Variants in SV2C observed in about 807,000 individuals in gnomAD.
SV2C encodes the protein solute carrier family 22 member B3.
In SV2C, 49 loss-of-function variants were observed where a neutral mutation model predicts 79.7. The observed-to-expected ratio is 0.61, with a 90% CI of 0.49 to 0.78. The LOEUF is 0.78. Among genes scored for constraint, SV2C ranks in the 30% least tolerant of loss-of-function variants. The pLI is 0.00. For synonymous variants in SV2C, 334 were observed against 333.2 expected, an observed-to-expected ratio of 1.00 and a Z score of -0.03; for missense variants, 833 against 912.9, an observed-to-expected ratio of 0.91 and a Z score of 1.13.
chr5:76,006,722 T>G, the SV2C span, among the ~76,000 whole-genome samples: 1 of 152,118 alleles, frequency 6.6e-6, no homozygotes. Flanking sequence ...GACACAGCAC[T>G]CCCAGAAAAC....
At chr5:76,282,184 G>A (rs1747218028) in intron 4 of SV2C, among the ~76,000 whole-genome samples, 1 of 152,186 alleles carries the variant, frequency 6.6e-6, no homozygotes, top group Admixed American at 6.5e-5. Context: ...AAATGGCAAT[G>A]CAGATATAAT....
intron 1 of SV2C, among the ~76,000 whole-genome samples, chr5:76,109,482 G>T (rs1445725874): frequency 2.6e-5 from 4 of 152,164 alleles, no homozygotes; most frequent in African/African-American, 7.2e-5. Context: ...TAGTAGGATG[G>T]GTGTTACGGG....
the SV2C span, among the ~76,000 whole-genome samples, chr5:75,864,752 G>A: frequency 6.6e-6 from 1 of 152,332 alleles, no homozygotes; most frequent in East Asian, 1.9e-4. Context: ...AAGTAACCTT[G>A]CTGCATTCTG....
chr5:76,263,360 T>C (rs1746545892), intron 4 of SV2C, among the ~76,000 whole-genome samples: 1 of 152,068 alleles, frequency 6.6e-6, no homozygotes, highest in Non-Finnish European at 1.5e-5. Context: ...ATGTGTGTCT[T>C]TGCATGTGAG....
At chr5:75,918,177 A>C in the SV2C span, among the ~76,000 whole-genome samples, 2 of 152,236 alleles carry the variant, frequency 1.3e-5, no homozygotes, top group African/African-American at 4.8e-5. Context: ...GTCTAAGGTC[A>C]CAGAACCAGT....
At chr5:76,079,007 C>T (rs75243229), upstream of SV2C, 4 of 440,934 alleles carry the variant, frequency 9.1e-6, no homozygotes, top group Non-Finnish European at 1.8e-5. Context: ...CGATTACCAC[C>T]TGTAGTTTGA....
chr5:76,068,970 G>T, the SV2C span, among the ~76,000 whole-genome samples: 1 of 152,100 alleles, frequency 6.6e-6, no homozygotes, highest in African/African-American at 2.4e-5. Context: ...CATCTGCAAA[G>T]TATACAAAAA....
Position 76,170,881 on chromosome 5 carries a change from G to C in SV2C, c.581-24038G>C. The C allele has an allele frequency of 8.5e-6, 3 of 351,602 alleles. 1 individual carries two copies. Among genetic ancestry groups the C allele is most frequent in the Non-Finnish European group, 1.3e-5 (3 of 237,554 alleles). The allele number at this position is 351,602 out of a possible 1,614,324, so 21.8% of individuals were successfully genotyped here. ...GCTGCGCTGCGGCCCGGGGCAGTGC[G>C]GAGCCGGGACAGTCGCGGCGCTGAC... On this transcript the variant is annotated intron_variant, in intron 2 of 12. Coordinates refer to ENST00000502798, the MANE Select transcript of SV2C (RefSeq NM_014979.4).
the SV2C span, among the ~76,000 whole-genome samples, chr5:76,008,892 C>T: frequency 6.6e-6 from 1 of 152,148 alleles, no homozygotes; most frequent in Non-Finnish European, 1.5e-5. Flanking sequence ...CCTTCTGGCT[C>T]ACCCTCTTTG....
At chr5:76,038,282 G>C in the SV2C span, among the ~76,000 whole-genome samples, 1 of 152,222 alleles carries the variant, frequency 6.6e-6, no homozygotes, top group East Asian at 1.9e-4. Flanking sequence ...GAGGAAATCA[G>C]TGAGTGAATG....
At chr5:75,998,618 ATGTG>A in the SV2C span, among the ~76,000 whole-genome samples, 318 of 151,890 alleles carry the variant, frequency 2.1e-3, 4 homozygotes, top group Non-Finnish European at 3.6e-3. Flanking sequence ...GTGTGTGTGT[ATGTG>A]TGAGTGTGTA....
At chr5:75,879,978 T>C in the SV2C span, among the ~76,000 whole-genome samples, 2 of 152,174 alleles carry the variant, frequency 1.3e-5, no homozygotes, top group African/African-American at 4.8e-5. Flanking sequence ...CCAAGGCTTA[T>C]GGCTTGCATT....
chr5:76,162,054 C>T (rs564712388), intron 2 of SV2C, among the ~76,000 whole-genome samples: 1 of 151,882 alleles, frequency 6.6e-6, no homozygotes, highest in East Asian at 1.9e-4. Flanking sequence ...TAGACTGATG[C>T]TCTTGGATAA....
chr5:76,103,661 A>G (rs1747811993), intron 1 of SV2C, among the ~76,000 whole-genome samples: 1 of 152,194 alleles, frequency 6.6e-6, no homozygotes, highest in African/African-American at 2.4e-5. Flanking sequence ...AATAGCAAAT[A>G]TTTATTGAAT....
At chr5:75,868,928 A>G in the SV2C span, among the ~76,000 whole-genome samples, 1 of 152,230 alleles carries the variant, frequency 6.6e-6, no homozygotes, top group South Asian at 2.1e-4. Flanking sequence ...GATTAACATC[A>G]TAAGCATGAG....
intron 1 of SV2C, among the ~76,000 whole-genome samples, chr5:76,117,879 G>A (rs1275866048): frequency 6.6e-6 from 1 of 152,084 alleles, no homozygotes. Context: ...CCTTAAAATA[G>A]ACTATATAAA....
chr5:75,931,335 T>C, the SV2C span, among the ~76,000 whole-genome samples: 84 of 152,340 alleles, frequency 5.5e-4, no homozygotes, highest in Admixed American at 3.9e-3. Context: ...ACAAATCTTC[T>C]ATGTGGTCAT....
the SV2C span, among the ~76,000 whole-genome samples, chr5:75,876,945 T>C: frequency 1.3e-5 from 2 of 152,098 alleles, no homozygotes; most frequent in Non-Finnish European, 2.9e-5. Context: ...CATAAATCTA[T>C]ATCAATAACA....
At chr5:76,206,095 A>C (rs988877056) in intron 3 of SV2C, among the ~76,000 whole-genome samples, 13 of 152,192 alleles carry the variant, frequency 8.5e-5, no homozygotes, top group African/African-American at 2.9e-4. Flanking sequence ...CAAATAAGGA[A>C]ATTTTTAACC....
Sources: allele counts gnomAD v4.1 joint callset (sites outside exome capture counted in the v4.1 genomes callset), GRCh38; gene constraint gnomAD v4.1.1; transcripts MANE v1.5; gene names NCBI Gene and HGNC (gene_info 2026-07-23, HGNC 2026-07-21).